The following KRAS variants were observed in gnomAD, a reference collection of about 807,000 sequenced individuals.
KRAS encodes the protein GTPase KRas.
KRAS carries 1 observed loss-of-function variant against 21.0 expected under a neutral mutation model. The observed-to-expected ratio is 0.05, with a 90% CI of 0.02 to 0.23. KRAS has a LOEUF of 0.23. Ranked by LOEUF, KRAS falls within the 10% of genes least tolerant of loss-of-function variation. The pLI, the probability that KRAS is intolerant of heterozygous loss-of-function variation, is 1.00. For synonymous variants in KRAS, 67 were observed against 72.5 expected, an observed-to-expected ratio of 0.92 and a Z score of 0.39; for missense variants, 107 against 221.8, an observed-to-expected ratio of 0.48 and a Z score of 3.29.
At chr12:25,229,770 C>CTT (rs11287628) in intron 2 of KRAS, among the ~76,000 whole-genome samples, 2 of 128,654 alleles carry the variant, frequency 1.6e-5, no homozygotes, top group African/African-American at 5.7e-5. Context: ...ATTAATGTAT[C>CTT]TTTTTTTTTT....
intron 1 of KRAS, among the ~76,000 whole-genome samples, chr12:25,246,911 T>C (rs1194277576): frequency 8.2e-6 from 1 of 122,634 alleles, no homozygotes; most frequent in African/African-American, 3.2e-5. Context: ...AGCCACTCCG[T>C]CTCAAAAAAA....
chr12:25,242,553 C>T lies in KRAS; in HGVS notation c.111+2721G>A, dbSNP rs545858352. Reference sequence around the variant, plus strand: ...CTTTAGTGGGCTTCATAAAAGATAACAATATATACTTCACAATACAAGTAA... The same window carrying T: ...CTTTAGTGGGCTTCATAAAAGATAATAATATATACTTCACAATACAAGTAA... On this transcript the variant is annotated intron_variant, in intron 2 of 4. Coordinates refer to ENST00000311936, the MANE Select transcript of KRAS (RefSeq NM_004985.5). Among the ~76,000 whole-genome samples, 16 of 152,184 alleles carry T rather than the reference C, an allele frequency of 1.1e-4. 1 individual carries two copies. The South Asian group carries it at 3.3e-3, about 32-fold the overall frequency.
intron 4 of KRAS, among the ~76,000 whole-genome samples, chr12:25,220,747 A>G (rs2141497221): frequency 6.7e-6 from 1 of 149,616 alleles, no homozygotes; most frequent in South Asian, 2.1e-4. Context: ...ACTAGAGACC[A>G]GGCACAGTGA....
chr12:25,246,171 T>TC (rs1951678064), intron 1 of KRAS, among the ~76,000 whole-genome samples: 1 of 102,844 alleles, frequency 9.7e-6, no homozygotes, highest in Non-Finnish European at 2.1e-5. Context: ...AAAAAAAAAA[T>TC]CTCTGGGGAA....
rs1057519725 is a variant in KRAS, at chr12:25,225,627, G to A, written c.437C>T (p.Ala146Val). The change falls in exon 4 of 5, where the codon GCA becomes GTA. Residue 146 changes from alanine to valine, a missense_variant. By Grantham distance (64) the Ala-to-Val change is moderately conservative (BLOSUM62 0). Coordinates refer to ENST00000311936, the MANE Select transcript of KRAS (RefSeq NM_004985.5). ...SYGIPFIETS[A>V]KTRQGVDDAF... is the part of the protein sequence containing the mutation. ...AGTGTTACTTACCTGTCTTGTCTTT[G>A]CTGATGTTTCAATAAAAGGAATTCC... The A allele has an allele frequency of 3.1e-6, 5 of 1,612,722 alleles. No homozygotes were observed. Among genetic ancestry groups the A allele is most frequent in the Non-Finnish European group, 3.4e-6 (4 of 1,179,378 alleles).
At chr12:25,239,939 C>T (rs909905848) in intron 2 of KRAS, among the ~76,000 whole-genome samples, 2 of 150,158 alleles carry the variant, frequency 1.3e-5, no homozygotes, top group East Asian at 1.9e-4. Context: ...GGCAACAGAG[C>T]GAGACTCCAT....
chr12:25,224,731 G>C (rs911857474), intron 4 of KRAS, among the ~76,000 whole-genome samples: 1 of 152,084 alleles, frequency 6.6e-6, no homozygotes, highest in African/African-American at 2.4e-5. Context: ...GTACAGGTTT[G>C]TATCCCTGGG....
At chr12:25,218,099 G>A (rs1202052013) in intron 4 of KRAS, among the ~76,000 whole-genome samples, 4 of 151,694 alleles carry the variant, frequency 2.6e-5, no homozygotes, top group African/African-American at 9.7e-5. Context: ...TTCACAAATG[G>A]TTCTCTTTCA....
intron 3 of KRAS, among the ~76,000 whole-genome samples, chr12:25,226,718 T>C (rs1048458719): frequency 6.6e-6 from 1 of 152,202 alleles, no homozygotes; most frequent in Non-Finnish European, 1.5e-5. Context: ...TAATGATTAT[T>C]TTAATAGTTT....
chr12:25,224,183 TAAAAAAAAAAA>T (rs5797121), intron 4 of KRAS, among the ~76,000 whole-genome samples: 2 of 79,714 alleles, frequency 2.5e-5, no homozygotes, highest in South Asian at 4.8e-4. Context: ...TCCTATTTAC[TAAAAAAAAAAA>T]AAAAAAAAAA....
At chr12:25,247,693 T>C (rs906692995) in intron 1 of KRAS, among the ~76,000 whole-genome samples, 3 of 152,338 alleles carry the variant, frequency 2.0e-5, no homozygotes, top group South Asian at 2.1e-4. Flanking sequence ...GTTTTCATAA[T>C]AACATTAAGA....
rs376520586 is a variant in KRAS, at chr12:25,227,417, G to C, written c.112-5C>G. 1 of 1,613,630 alleles carries C rather than the reference G, an allele frequency of 6.2e-7. No individual in the cohort carries two copies. The highest frequency in any genetic ancestry group is 8.5e-7 in the Non-Finnish European group (1 of 1,179,698). ...TACTTGCTTCCTGTAGGAATCCTGAGAAGGGAGAAACACAGTCTGGATTAT... is the reference window on the plus strand; with the variant it reads ...TACTTGCTTCCTGTAGGAATCCTGACAAGGGAGAAACACAGTCTGGATTAT... On this transcript the variant is annotated splice_region_variant and splice_polypyrimidine_tract_variant and intron_variant, in intron 2 of 4. Transcript: ENST00000311936.
At chr12:25,250,151 C>T (rs1951745641) in intron 1 of KRAS, among the ~76,000 whole-genome samples, 2 of 152,146 alleles carry the variant, frequency 1.3e-5, no homozygotes, top group Non-Finnish European at 2.9e-5. Context: ...TAAGCACTTT[C>T]CTATGCTCTT....
At chr12:25,211,735 T>C (rs928434151) in intron 4 of KRAS, among the ~76,000 whole-genome samples, 1 of 152,152 alleles carries the variant, frequency 6.6e-6, no homozygotes, top group African/African-American at 2.4e-5. Flanking sequence ...GCGTGACCAA[T>C]ATTTTAAGAG....
chr12:25,225,653 A>G lies in KRAS; in HGVS notation c.411T>C (p.Tyr137=), dbSNP rs752731198. The change falls in exon 4 of 5, where the codon TAT becomes TAC. Residue 137 remains tyrosine, a synonymous_variant. Coordinates refer to ENST00000311936, the MANE Select transcript of KRAS (RefSeq NM_004985.5). ...CTGATGTTTCAATAAAAGGAATTCC[A>G]TAACTTCTTGCTAAGTCCTGAGCCT... ...TKQAQDLARS[Y]GIPFIETSAK... The G allele has an allele frequency of 6.8e-6, 11 of 1,613,274 alleles. No homozygotes were observed. Among genetic ancestry groups the G allele is most frequent in the South Asian group, 4.4e-5 (4 of 91,060 alleles).
Position 25,207,904 on chromosome 12 carries a change from A to G in KRAS, c.*1891T>C, listed in dbSNP as rs886049190. On this transcript the variant is annotated 3_prime_UTR_variant, in exon 5 of 5. Transcript: ENST00000311936. ...TCATGGAGATATCCACAGCAGCAGTAAATCTTATGGTTAGGGGAATTACAA... is the reference window on the plus strand; with the variant it reads ...TCATGGAGATATCCACAGCAGCAGTGAATCTTATGGTTAGGGGAATTACAA... The G allele has an allele frequency of 1.4e-4, 33 of 233,120 alleles. No individual in the cohort carries two copies. Among genetic ancestry groups the G allele is most frequent in the Non-Finnish European group, 2.3e-4 (27 of 118,054 alleles). The allele number at this position is 233,120 out of a possible 1,614,324, so 14.4% of individuals were successfully genotyped here.
intron 3 of KRAS, 77 bp downstream of exon 3, chr12:25,227,156 TG>T (rs1193011992): frequency 2.1e-6 from 2 of 955,402 alleles, no homozygotes; most frequent in Non-Finnish European, 3.2e-6. Context: ...ATTATATGCA[TG>T]GCATTAGCAA....
At chr12:25,234,173 T>C (rs2135792785) in intron 2 of KRAS, 1 of 170,416 alleles carries the variant, frequency 5.9e-6, no homozygotes, top group East Asian at 1.1e-4. Flanking sequence ...AAATTTTACC[T>C]TCAATTAAAT....
chr12:25,215,834 G>A (rs1332241336), intron 4 of KRAS, among the ~76,000 whole-genome samples: 1 of 152,096 alleles, frequency 6.6e-6, no homozygotes, highest in Non-Finnish European at 1.5e-5. Flanking sequence ...CTAAACACAG[G>A]TATTAGCATC....
Sources: gnomAD v4.1 joint callset for allele counts (sites outside exome capture counted in the v4.1 genomes callset) on GRCh38, gnomAD v4.1.1 for gene constraint, MANE v1.5 for transcripts, NCBI Gene and HGNC (gene_info 2026-07-23, HGNC 2026-07-21) for gene names.